The following KCNIP4 variants were observed in gnomAD, a reference collection of about 807,000 sequenced individuals.
KCNIP4 encodes the protein potassium voltage-gated channel interacting protein 4, also known as Kv channel-interacting protein 4.
A neutral mutation model predicts 34.0 loss-of-function variants in KCNIP4; 12 were observed. That is an observed-to-expected ratio of 0.35 (90% confidence interval 0.23 to 0.57). The LOEUF (loss-of-function observed/expected upper bound fraction) is 0.57. Among genes scored for constraint, KCNIP4 ranks in the 20% least tolerant of loss-of-function variants. The probability of loss-of-function intolerance (pLI) is 0.83; values close to 1 mark genes in which losing one functional copy is unlikely to be tolerated. For synonymous variants in KCNIP4, 124 were observed against 102.2 expected (o/e 1.21, Z -1.29); for missense variants, 238 against 311.7 (o/e 0.76, Z 1.78).
intron 1 of KCNIP4, among the ~76,000 whole-genome samples, chr4:21,039,991 C>G (rs28524112): frequency 0.032 from 4,883 of 152,210 alleles, 258 homozygotes; most frequent in African/African-American, 0.11. Flanking sequence ...AGGGGAAGAG[C>G]TATGTCTTAC....
chr4:21,845,696 C>T (rs913997041), intron 1 of KCNIP4: 5 of 151,920 alleles, frequency 3.3e-5, no homozygotes, highest in East Asian at 1.9e-4. Context: ...CCTTTCGATT[C>T]GACATGTAGC....
intron 1 of KCNIP4, among the ~76,000 whole-genome samples, chr4:21,191,260 G>A (rs1028956143): frequency 1.8e-4 from 28 of 152,202 alleles, no homozygotes; most frequent in Non-Finnish European, 8.8e-5. Context: ...ATAGCAAAGG[G>A]AGAAGAAATC....
chr4:20,807,409 C>A (rs571570173), intron 3 of KCNIP4, among the ~76,000 whole-genome samples: 22 of 152,162 alleles, frequency 1.4e-4, no homozygotes, highest in African/African-American at 5.3e-4. Flanking sequence ...GAGGGGTTGG[C>A]AAACTGCAGC....
intron 1 of KCNIP4, among the ~76,000 whole-genome samples, chr4:20,982,286 T>A (rs183113662): frequency 6.6e-6 from 1 of 152,290 alleles, no homozygotes; most frequent in African/African-American, 2.4e-5. Context: ...GGGCTGTGGC[T>A]CAACTAAGTC....
At chr4:21,293,152 C>T (rs1365426187) in intron 1 of KCNIP4, among the ~76,000 whole-genome samples, 1 of 152,156 alleles carries the variant, frequency 6.6e-6, no homozygotes, top group Non-Finnish European at 1.5e-5. Context: ...TCTTATCTGG[C>T]TTCTTACATT....
In KCNIP4 at chr4:21,948,737, C is replaced by T. The variant is rs1462407543; in HGVS notation, c.-106G>A. 6 of 1,263,942 alleles carry T rather than the reference C, an allele frequency of 4.7e-6. No homozygotes were observed. Among genetic ancestry groups the T allele is most frequent in the Non-Finnish European group, 6.1e-6 (6 of 989,692 alleles). 78.3% of individuals were successfully genotyped at this position (1,263,942 alleles called of 1,614,324 possible). ...CACCGCCGCTCGGCCCGGGGGCGTC[C>T]GTGGCGCTGGGAGCGAGAGCTTCGG... is the stretch of plus-strand genomic sequence containing the variant. On this transcript the variant is annotated 5_prime_UTR_variant, in exon 1 of 9. Transcript: ENST00000382152.
chr4:20,949,305 C>A (rs890110682), intron 1 of KCNIP4, among the ~76,000 whole-genome samples: 2 of 152,216 alleles, frequency 1.3e-5, no homozygotes, highest in Admixed American at 1.3e-4. Flanking sequence ...AGTACCAGTA[C>A]CCCTACATAT....
intron 1 of KCNIP4, among the ~76,000 whole-genome samples, chr4:21,931,036 A>C (rs35030223): frequency 0.24 from 36,755 of 152,086 alleles, 5,617 homozygotes; most frequent in East Asian, 0.62. Flanking sequence ...AATTATGATT[A>C]GTAAACCTCA....
intron 1 of KCNIP4, among the ~76,000 whole-genome samples, chr4:21,078,997 C>G (rs1745767060): frequency 6.6e-6 from 1 of 152,192 alleles, no homozygotes; most frequent in Middle Eastern, 3.4e-3. Flanking sequence ...CTCTTGGAAG[C>G]CAAATTGCCC....
At chr4:20,734,799 A>AAC in intron 5 of KCNIP4, 64 bp from the exon 6 acceptor site, 3 of 991,158 alleles carry the variant, frequency 3.0e-6, no homozygotes, top group South Asian at 1.6e-5. Flanking sequence ...AAAAAAAACA[A>AAC]ATGATGTAAG....
At chr4:21,316,101 G>A (rs957290385) in intron 1 of KCNIP4, among the ~76,000 whole-genome samples, 1 of 152,068 alleles carries the variant, frequency 6.6e-6, no homozygotes, top group African/African-American at 2.4e-5. Context: ...TTCCACTTGG[G>A]TGGAGGCTTT....
chr4:21,719,706 T>C (rs561646159), intron 1 of KCNIP4, among the ~76,000 whole-genome samples: 2 of 152,184 alleles, frequency 1.3e-5, no homozygotes, highest in Admixed American at 6.5e-5. Flanking sequence ...CTCAAGCCTG[T>C]AATCCCAGCC....
intron 1 of KCNIP4, among the ~76,000 whole-genome samples, chr4:20,970,226 C>A (rs1734796870): frequency 6.6e-6 from 1 of 152,168 alleles, no homozygotes; most frequent in Admixed American, 6.5e-5. Flanking sequence ...CAGGTGTGAG[C>A]CACCGCGCCC....
chr4:21,150,424 G>C (rs1054829121), intron 1 of KCNIP4, among the ~76,000 whole-genome samples: 1 of 144,838 alleles, frequency 6.9e-6, no homozygotes, highest in Non-Finnish European at 1.5e-5. Context: ...CTGATGTTCT[G>C]GGATGGCTCC....
intron 1 of KCNIP4, among the ~76,000 whole-genome samples, chr4:21,241,245 T>G (rs1759790612): frequency 6.6e-6 from 1 of 152,202 alleles, no homozygotes; most frequent in Admixed American, 6.5e-5. Flanking sequence ...AATCAAAAAT[T>G]AATAGTGGTC....
At chr4:20,844,004 C>T (rs1720071151) in intron 3 of KCNIP4, among the ~76,000 whole-genome samples, 3 of 152,102 alleles carry the variant, frequency 2.0e-5, no homozygotes, top group Admixed American at 2.0e-4. Flanking sequence ...AAGGAAAGAA[C>T]TGAAGGGCTC....
At chr4:21,038,751 A>G (rs1445839534) in intron 1 of KCNIP4, among the ~76,000 whole-genome samples, 1 of 152,212 alleles carries the variant, frequency 6.6e-6, no homozygotes, top group Non-Finnish European at 1.5e-5. Flanking sequence ...TTTTACAAAT[A>G]TCTACGTTAT....
intron 1 of KCNIP4, among the ~76,000 whole-genome samples, chr4:20,905,509 C>CTTTCTTTTTTTTTTTTTTT (rs71655610): frequency 1.4e-5 from 1 of 72,802 alleles, no homozygotes; most frequent in Non-Finnish European, 2.7e-5. Context: ...CGTTTTCTTT[C>CTTTCTTTTTTTTTTTTTTT]TTTTTTTTTT....
chr4:21,756,289 C>T lies in KCNIP4; in HGVS notation c.61+192282G>A, dbSNP rs144837500. ...AATATCTGTTGGCCGGGCACAGTGG[C>T]TTACGCCTGTAATCCCACCACTTTG... is the stretch of plus-strand genomic sequence containing the variant. On this transcript the variant is annotated intron_variant, in intron 1 of 8. Coordinates refer to ENST00000382152, the MANE Select transcript of KCNIP4 (RefSeq NM_025221.6). Among the ~76,000 whole-genome samples the T allele has an allele frequency of 1.3e-3, 195 of 152,286 alleles. 1 individual carries two copies. Among genetic ancestry groups the T allele is most frequent in the African/African-American group, 4.4e-3 (184 of 41,562 alleles).
Sources: allele counts gnomAD v4.1 joint callset (sites outside exome capture counted in the v4.1 genomes callset), GRCh38; gene constraint gnomAD v4.1.1; transcripts MANE v1.5; gene names NCBI Gene and HGNC (gene_info 2026-07-23, HGNC 2026-07-21).